Variants in SVIL observed in about 807,000 individuals in gnomAD.
SVIL encodes supervillin, also known as archvillin.
SVIL carries 101 observed loss-of-function variants against 240.4 expected under a neutral mutation model. The ratio of observed to expected loss-of-function variants is 0.42; its 90% CI spans 0.36 to 0.50. The LOEUF (loss-of-function observed/expected upper bound fraction) is 0.50, where lower values mean the gene tolerates loss of function less well. SVIL is among the 20% of genes least tolerant of loss of function. SVIL has a pLI of 0.01. For synonymous variants in SVIL, 999 were observed against 1,100.0 expected (o/e 0.91, Z 1.82); for missense variants, 2,512 against 2,818.7 (o/e 0.89, Z 2.46).
At chr10:29,585,812 G>A (rs1385490376) in intron 1 of SVIL, among the ~76,000 whole-genome samples, 2 of 152,242 alleles carry the variant, frequency 1.3e-5, no homozygotes, top group Admixed American at 6.5e-5. Context: ...AGTGAGCCGC[G>A]GTTCGCGTCT....
intron 29 of SVIL, among the ~76,000 whole-genome samples, chr10:29,477,415 T>TG (rs1946316487): frequency 1.3e-5 from 2 of 152,186 alleles, no homozygotes; most frequent in South Asian, 4.1e-4. Context: ...GCGACCCTGC[T>TG]GGGGAGTGAG....
At chr10:29,589,355 G>A (rs1194675980) in intron 1 of SVIL, among the ~76,000 whole-genome samples, 2 of 152,312 alleles carry the variant, frequency 1.3e-5, no homozygotes, top group African/African-American at 4.8e-5. Context: ...GGCCAACAGT[G>A]TGGTGGGAAT....
At chr10:29,510,873 G>A (rs905773934) in intron 17 of SVIL, among the ~76,000 whole-genome samples, 3 of 115,624 alleles carry the variant, frequency 2.6e-5, no homozygotes, top group Non-Finnish European at 5.3e-5. Context: ...GGGAAGGAAC[G>A]AACCGAGGGG....
intron 17 of SVIL, among the ~76,000 whole-genome samples, chr10:29,505,974 C>T (rs577658752): frequency 7.4e-4 from 113 of 152,292 alleles, no homozygotes; most frequent in African/African-American, 2.6e-3. Context: ...AGCCTGTGCA[C>T]ATCCCCGCTG....
At chr10:29,546,693 C>G (rs1002731038) in intron 6 of SVIL, among the ~76,000 whole-genome samples, 3 of 152,090 alleles carry the variant, frequency 2.0e-5, no homozygotes, top group African/African-American at 7.2e-5. Context: ...AGATGGTGCT[C>G]ACATTTGAAT....
chr10:29,684,759 T>C (rs1960932790), intron 2 of SVIL, among the ~76,000 whole-genome samples: 1 of 152,156 alleles, frequency 6.6e-6, no homozygotes, highest in Non-Finnish European at 1.5e-5. Flanking sequence ...TGTAAATTTC[T>C]CCCAAAAGAA....
At chr10:29,466,685 G>A (rs1026550931) in intron 33 of SVIL, among the ~76,000 whole-genome samples, 1 of 152,090 alleles carries the variant, frequency 6.6e-6, no homozygotes, top group African/African-American at 2.4e-5. Context: ...ACAGCCATTA[G>A]AAATCTAAAT....
At chr10:29,557,408 C>A (rs987617421) in intron 3 of SVIL, among the ~76,000 whole-genome samples, 4 of 151,928 alleles carry the variant, frequency 2.6e-5, no homozygotes, top group African/African-American at 9.7e-5. Flanking sequence ...TAACATGTCC[C>A]TTTTCTTGCC....
At chr10:29,654,389 C>A (rs752388587) in intron 3 of SVIL, among the ~76,000 whole-genome samples, 2 of 151,990 alleles carry the variant, frequency 1.3e-5, no homozygotes, top group Non-Finnish European at 2.9e-5. Flanking sequence ...AATCTTATGT[C>A]CTGCAATCTT....
rs371913483 is a variant in SVIL at position 29,538,367 on chromosome 10, A to G, written c.828-2298T>C. Among the ~76,000 whole-genome samples the G allele has an allele frequency of 7.0e-4, 106 of 152,372 alleles. No homozygotes were observed. The Middle Eastern group carries it at 0.017, about 24-fold the overall frequency. On this transcript the variant is annotated intron_variant, in intron 6 of 37. Transcript: ENST00000355867. ...CTTATTACACCTGAAATATGAAACC[A>G]GCCAAAAACCAAAGGACTACCACCA...
At chr10:29,551,738 T>C (rs1953359271) in intron 5 of SVIL, among the ~76,000 whole-genome samples, 1 of 152,160 alleles carries the variant, frequency 6.6e-6, no homozygotes, top group Middle Eastern at 3.4e-3. Flanking sequence ...ATATGGCCCA[T>C]ATCATTATTC....
At chr10:29,720,921 A>T (rs1005402040) in intron 1 of SVIL, among the ~76,000 whole-genome samples, 2 of 152,112 alleles carry the variant, frequency 1.3e-5, no homozygotes, top group African/African-American at 4.8e-5. Flanking sequence ...ATCTCGTCTC[A>T]CTGCAACCTC....
At chr10:29,733,261 T>C (rs1964719213) in intron 1 of SVIL, among the ~76,000 whole-genome samples, 1 of 152,224 alleles carries the variant, frequency 6.6e-6, no homozygotes, top group Non-Finnish European at 1.5e-5. Context: ...GAGTATCTCA[T>C]GAATTATCTA....
intron 1 of SVIL, among the ~76,000 whole-genome samples, chr10:29,728,462 T>C (rs1418065783): frequency 6.6e-6 from 1 of 152,178 alleles, no homozygotes; most frequent in Non-Finnish European, 1.5e-5. Context: ...AAAACTTTGA[T>C]AGGGTATTCA....
chr10:29,597,366 G>C (rs752415012), intron 1 of SVIL, among the ~76,000 whole-genome samples: 8 of 151,602 alleles, frequency 5.3e-5, no homozygotes, highest in Non-Finnish European at 7.4e-5. Context: ...TTTTTCTCTT[G>C]GGCCTTCAGG....
intron 2 of SVIL, among the ~76,000 whole-genome samples, chr10:29,671,315 A>G (rs1372642775): frequency 1.3e-5 from 2 of 152,196 alleles, no homozygotes; most frequent in Admixed American, 6.5e-5. Context: ...CAGCTTCCCA[A>G]TGTTTCCTTT....
chr10:29,465,551 T>C (rs1944810303), intron 34 of SVIL, 44 bp downstream of exon 34: 1 of 1,543,088 alleles, frequency 6.5e-7, no homozygotes, highest in East Asian at 2.3e-5. Context: ...TTCTGGAAGA[T>C]GTGCCTTCTA....
intron 27 of SVIL, chr10:29,482,862 A>G (rs10826634): frequency 0.095 from 14,497 of 152,678 alleles, 874 homozygotes; most frequent in Non-Finnish European, 0.13. Flanking sequence ...TCCGGCCCGG[A>G]ATGCAGCCAC....
chr10:29,561,862 TA>T (rs1195339553), intron 3 of SVIL, among the ~76,000 whole-genome samples: 3 of 152,244 alleles, frequency 2.0e-5, no homozygotes, highest in African/African-American at 7.2e-5. Flanking sequence ...CAACATAGAA[TA>T]AACCTGTATT....
Sources: gnomAD v4.1 joint callset for allele counts (sites outside exome capture counted in the v4.1 genomes callset) on GRCh38, gnomAD v4.1.1 for gene constraint, MANE v1.5 for transcripts, NCBI Gene and HGNC (gene_info 2026-07-23, HGNC 2026-07-21) for gene names.